The following RAB3GAP2 variants were observed in gnomAD, a reference collection of about 807,000 sequenced individuals.
The protein encoded by RAB3GAP2 is RAB3 GTPase activating non-catalytic protein subunit 2, also known as rab3 GTPase-activating protein non-catalytic subunit.
A neutral mutation model predicts 185.3 loss-of-function variants in RAB3GAP2; 87 were observed. The ratio of observed to expected loss-of-function variants is 0.47; its 90% CI spans 0.39 to 0.56. The LOEUF is 0.56. RAB3GAP2 is among the 20% of genes least tolerant of loss of function. The probability of loss-of-function intolerance (pLI) is 0.00; values close to 1 mark genes in which losing one functional copy is unlikely to be tolerated. For synonymous variants in RAB3GAP2, 554 were observed against 576.1 expected, an observed-to-expected ratio of 0.96 and a Z score of 0.55; for missense variants, 1,492 against 1,638.2, an observed-to-expected ratio of 0.91 and a Z score of 1.54.
At chr1:220,161,434 C>T (rs1284770442) in intron 28 of RAB3GAP2, among the ~76,000 whole-genome samples, 1 of 152,198 alleles carries the variant, frequency 6.6e-6, no homozygotes, top group African/African-American at 2.4e-5. Context: ...AACACACTAA[C>T]TAGTGTCCCT....
At position 220,151,268 on chromosome 1, in the gene RAB3GAP2, A is replaced by G; in HGVS notation, c.4165T>C (p.Ser1389Pro). 1 of 1,613,960 alleles carries G rather than the reference A, an allele frequency of 6.2e-7. No individual in the cohort carries two copies. The highest frequency in any genetic ancestry group is 1.1e-5 in the South Asian group (1 of 91,084). Residue 1389 changes from serine (S) to proline (P), a missense_variant, in exon 35 of 35, where the codon TCT (serine) becomes CCT (proline). Around this residue, in one of 5 missense-constraint regions of RAB3GAP2, gnomAD observed 387 missense variants for 455.3 expected, o/e 0.85. Coordinates refer to ENST00000358951, the MANE Select transcript of RAB3GAP2 (RefSeq NM_012414.4). ...LHLIEAVEAI[S>P]LPSL is the part of the protein sequence containing the mutation. ...GGTAAGTGTCATAAAGAAGGAAGAG[A>G]TATGGCTTCCACAGCTTCAATGAGG...
At chr1:220,151,809 ATTTGT>A in intron 33 of RAB3GAP2, 45 bp from the exon 34 acceptor site, 1 of 1,545,202 alleles carries the variant, frequency 6.5e-7, no homozygotes, top group Non-Finnish European at 8.9e-7. Flanking sequence ...GAGTGAGCAG[ATTTGT>A]TTATTCTATA....
chr1:220,249,052 G>A (rs1486295326), intron 1 of RAB3GAP2, among the ~76,000 whole-genome samples: 1 of 152,164 alleles, frequency 6.6e-6, no homozygotes, highest in Non-Finnish European at 1.5e-5. Context: ...AACTAATACA[G>A]TAAATTGGTA....
intron 1 of RAB3GAP2, among the ~76,000 whole-genome samples, chr1:220,252,794 GCA>G (rs1659962629): frequency 7.8e-6 from 1 of 127,464 alleles, no homozygotes; most frequent in African/African-American, 3.0e-5. Context: ...AGCCACTCAG[GCA>G]CACACAGAGA....
intron 9 of RAB3GAP2, chr1:220,200,388 T>C (rs1206628680): frequency 5.2e-5 from 17 of 328,754 alleles, no homozygotes; most frequent in Non-Finnish European, 1.1e-4. Context: ...AGTTTATTGT[T>C]TGTCTCCCCA....
At chr1:220,212,823 A>C in intron 4 of RAB3GAP2, 64 bp downstream of exon 4, 1 of 1,322,082 alleles carries the variant, frequency 7.6e-7, no homozygotes, top group South Asian at 1.2e-5. Context: ...AGATTCACCT[A>C]CAAGTCAAAT....
chr1:220,150,993 TTAGAAA>T lies in RAB3GAP2; in HGVS notation c.*252_*257del. On this transcript the variant is annotated 3_prime_UTR_variant, in exon 35 of 35. Transcript: ENST00000358951. Reference sequence around the variant, plus strand: ...CAATAAAGCTACTTAAGTGTTTGAATTAGAAATAAACAGTAAAACATCTGTATTAAT... The same window carrying T: ...CAATAAAGCTACTTAAGTGTTTGAATTAAACAGTAAAACATCTGTATTAAT... 1 of 429,042 alleles carries T rather than the reference TTAGAAA, an allele frequency of 2.3e-6. No individual in the cohort carries two copies. Among genetic ancestry groups the T allele is most frequent in the Non-Finnish European group, 4.1e-6 (1 of 243,118 alleles). The allele number at this position is 429,042 out of a possible 1,614,324, so 26.6% of individuals were successfully genotyped here.
At position 220,189,698 on chromosome 1, in the gene RAB3GAP2, C is replaced by T. The variant is rs1452062106; in HGVS notation, c.1779+5G>A. Reference sequence around the variant, plus strand: ...CAGGAAAGTTCGTGTATTATATACACTTACTTGTTTTTTGGTTGCAGGGTA... The same window carrying T: ...CAGGAAAGTTCGTGTATTATATACATTTACTTGTTTTTTGGTTGCAGGGTA... On this transcript the variant is annotated splice_donor_5th_base_variant and intron_variant, in intron 17 of 34. Transcript: ENST00000358951. The T allele has an allele frequency of 6.4e-7, 1 of 1,561,780 alleles. No individual in the cohort carries two copies. Among genetic ancestry groups the T allele is most frequent in the Non-Finnish European group, 8.8e-7 (1 of 1,142,056 alleles).
At chr1:220,163,803 A>C (rs1008881004) in intron 27 of RAB3GAP2, among the ~76,000 whole-genome samples, 12 of 146,484 alleles carry the variant, frequency 8.2e-5, no homozygotes, top group African/African-American at 3.0e-4. Context: ...GAGATGAATA[A>C]GTAATTTTCA....
chr1:220,196,485 G>A, intron 9 of RAB3GAP2, 87 bp from the exon 10 acceptor site: 2 of 1,306,256 alleles, frequency 1.5e-6, no homozygotes, highest in Non-Finnish European at 2.2e-6. Context: ...GATGCTAAAT[G>A]TTTAGTTTTA....
intron 1 of RAB3GAP2, among the ~76,000 whole-genome samples, chr1:220,270,294 C>G (rs1660311457): frequency 6.6e-6 from 1 of 152,228 alleles, no homozygotes; most frequent in Non-Finnish European, 1.5e-5. Flanking sequence ...TCTAAGCTTA[C>G]AGCTTTAGTA....
chr1:220,186,191 C>T (rs763611897), intron 17 of RAB3GAP2, among the ~76,000 whole-genome samples: 2 of 152,110 alleles, frequency 1.3e-5, no homozygotes, highest in Non-Finnish European at 2.9e-5. Flanking sequence ...ATAGGCCCTG[C>T]TAGATGAATA....
At chr1:220,254,819 A>G (rs550013203) in intron 1 of RAB3GAP2, among the ~76,000 whole-genome samples, 1 of 152,102 alleles carries the variant, frequency 6.6e-6, no homozygotes, top group South Asian at 2.1e-4. Flanking sequence ...CTGCTTTTGA[A>G]TGCTGGTGGT....
chr1:220,205,331 C>T (rs777753844), intron 8 of RAB3GAP2, among the ~76,000 whole-genome samples: 8 of 152,144 alleles, frequency 5.3e-5, no homozygotes, highest in Non-Finnish European at 8.8e-5. Context: ...TAGGCCTCTA[C>T]CTTTTCTCCA....
intron 1 of RAB3GAP2, among the ~76,000 whole-genome samples, chr1:220,261,103 T>C (rs1456454870): frequency 6.6e-6 from 1 of 152,162 alleles, no homozygotes; most frequent in Non-Finnish European, 1.5e-5. Context: ...GTAAGTAATG[T>C]CTACTCTCTT....
At chr1:220,224,005 C>CAA (rs1170784100) in intron 2 of RAB3GAP2, among the ~76,000 whole-genome samples, 8,453 of 89,746 alleles carry the variant, frequency 0.094, 495 homozygotes, top group African/African-American at 0.2. Flanking sequence ...GACCCTATCT[C>CAA]AAAAAAAAAA....
intron 9 of RAB3GAP2, among the ~76,000 whole-genome samples, chr1:220,198,560 TG>T (rs140396791): frequency 0.069 from 10,523 of 152,250 alleles, 481 homozygotes; most frequent in Middle Eastern, 0.11. Context: ...TAACTTAAGG[TG>T]GTATGGCTTA....
intron 9 of RAB3GAP2, among the ~76,000 whole-genome samples, chr1:220,197,361 G>A (rs1658749932): frequency 6.6e-6 from 1 of 152,064 alleles, no homozygotes; most frequent in African/African-American, 2.4e-5. Context: ...CCCTTTGCCT[G>A]AAAACTGTCA....
At chr1:220,249,945 G>A (rs1161048859) in intron 1 of RAB3GAP2, among the ~76,000 whole-genome samples, 1 of 152,210 alleles carries the variant, frequency 6.6e-6, no homozygotes. Context: ...CCAAGCAGAA[G>A]TTTGCTGCAG....
Sources: allele counts gnomAD v4.1 joint callset (sites outside exome capture counted in the v4.1 genomes callset), GRCh38; gene constraint gnomAD v4.1.1; regional missense constraint gnomAD v4.1.1; transcripts MANE v1.5; gene names NCBI Gene and HGNC (gene_info 2026-07-23, HGNC 2026-07-21).